The following NAB1 variants were observed in gnomAD, a reference collection of about 807,000 sequenced individuals.
The protein encoded by NAB1 is NGFI-A-binding protein 1.
Under a neutral mutation model 49.9 loss-of-function variants are expected in NAB1, and 25 were observed. The observed-to-expected ratio is 0.50, with a 90% CI of 0.37 to 0.70. The LOEUF is 0.70. Ranked by LOEUF, NAB1 falls within the 30% of genes least tolerant of loss-of-function variation. The pLI is 0.00. For missense variants in NAB1, 489 were observed against 575.9 expected (o/e 0.85, Z 1.54); for synonymous variants, 198 against 215.6 (o/e 0.92, Z 0.71).
intron 5 of NAB1, among the ~76,000 whole-genome samples, chr2:190,671,125 G>A (rs1323987958): frequency 2.0e-5 from 3 of 152,100 alleles, no homozygotes; most frequent in African/African-American, 4.8e-5. Flanking sequence ...TTTCCAGCCC[G>A]CATTGTGTTG....
intron 9 of NAB1, 50 bp from the exon 10 acceptor site, chr2:190,690,195 G>T (rs748626611): frequency 3.2e-6 from 4 of 1,246,068 alleles, no homozygotes; most frequent in Non-Finnish European, 4.7e-6. Context: ...TTTGATTTTT[G>T]TAGTCCATTG....
rs1460201383 is a variant in NAB1 at position 190,659,077 on chromosome 2, A to G, written c.-19-81A>G. ...CAGATGCTTCTCGTTTTTGTTCTTA[A>G]AACCTGTAGTGTAACCTATTTGGTG... On this transcript the variant is annotated intron_variant, in intron 3 of 9. Transcript: ENST00000337386. The surrounding 1 kb of genome is among the most constrained non-coding windows in gnomAD (Gnocchi z 6.2). The G allele has an allele frequency of 2.2e-6, 2 of 913,946 alleles. No individual in the cohort carries two copies. The highest frequency in any genetic ancestry group is 5.2e-5 in the East Asian group (2 of 38,160). The allele number at this position is 913,946 out of a possible 1,614,324, so 56.6% of individuals were successfully genotyped here.
intron 9 of NAB1, among the ~76,000 whole-genome samples, chr2:190,688,163 T>C (rs1267107821): frequency 6.6e-6 from 1 of 152,228 alleles, no homozygotes; most frequent in Non-Finnish European, 1.5e-5. Context: ...TCAACGTCAC[T>C]GATTTTATAG....
At chr2:190,683,680 GATA>G in intron 6 of NAB1, 55 bp from the exon 7 acceptor site, 8 of 1,258,684 alleles carry the variant, frequency 6.4e-6, no homozygotes, top group South Asian at 1.3e-5. Flanking sequence ...TCAAGTTTTT[GATA>G]ATATTTTATT....
chr2:190,689,077 CG>C lies in NAB1; in HGVS notation c.1376-1166del, dbSNP rs1019351154. Among the ~76,000 whole-genome samples, 2 of 152,098 alleles carry C rather than the reference CG, an allele frequency of 1.3e-5. No individual in the cohort carries two copies. Among genetic ancestry groups the C allele is most frequent in the African/African-American group, 4.8e-5 (2 of 41,402 alleles). Reference sequence around the variant, plus strand: ...TCCTGACCTTGTGATCCGCCCGCCTCGGCCCCACAAAGTGCTGGGATTACAG... The same window carrying C: ...TCCTGACCTTGTGATCCGCCCGCCTCGCCCCACAAAGTGCTGGGATTACAG... On this transcript the variant is annotated intron_variant, in intron 9 of 9. Coordinates refer to ENST00000337386, the MANE Select transcript of NAB1 (RefSeq NM_005966.4). This position sits in a 1 kb window ranked among gnomAD's most constrained non-coding sequence, Gnocchi z 4.3.
chr2:190,692,114 A>G lies in NAB1; in HGVS notation c.*1781A>G, dbSNP rs1695959503. ...TGTATTGTTCACTGTGTGTAGAAAT[A>G]GTATGAGTACGATTTCAATAGACTG... On this transcript the variant is annotated 3_prime_UTR_variant, in exon 10 of 10. Transcript: ENST00000337386. The surrounding 1 kb of genome is among the most constrained non-coding windows in gnomAD (Gnocchi z 5.2). The G allele has an allele frequency of 9.8e-6, 1 of 102,116 alleles. No homozygotes were observed. The highest frequency in any genetic ancestry group is 3.2e-4 in the South Asian group (1 of 3,138). The allele number at this position is 102,116 out of a possible 1,614,324, so 6.3% of individuals were successfully genotyped here.
chr2:190,668,011 C>G (rs2159819), intron 4 of NAB1, among the ~76,000 whole-genome samples: 79,250 of 151,882 alleles, frequency 0.52, 21,919 homozygotes, highest in East Asian at 0.73. Context: ...GTAAGAAAAA[C>G]CTTTAGTTTC....
intron 3 of NAB1, among the ~76,000 whole-genome samples, chr2:190,658,839 G>A (rs762498826): frequency 2.6e-5 from 4 of 152,176 alleles, no homozygotes; most frequent in East Asian, 1.9e-4. Context: ...CTCCACCTGC[G>A]TCCAAACCTT....
intron 4 of NAB1, among the ~76,000 whole-genome samples, chr2:190,664,869 A>G (rs926893662): frequency 1.3e-5 from 2 of 151,760 alleles, no homozygotes; most frequent in African/African-American, 4.8e-5. Context: ...TAACTGGAAT[A>G]TTTGGTCCAT....
At chr2:190,661,543 G>C (rs1694227753) in intron 4 of NAB1, among the ~76,000 whole-genome samples, 1 of 152,046 alleles carries the variant, frequency 6.6e-6, no homozygotes, top group Non-Finnish European at 1.5e-5. Context: ...ATTTCTAAAA[G>C]ATTAACAAAC....
At position 190,669,057 on chromosome 2, in the gene NAB1, T is replaced by C. The variant is rs922468747; in HGVS notation, c.820-1269T>C. Among the ~76,000 whole-genome samples the C allele has an allele frequency of 1.3e-5, 2 of 152,160 alleles. No homozygotes were observed. Among genetic ancestry groups the C allele is most frequent in the Non-Finnish European group, 2.9e-5 (2 of 68,028 alleles). ...TAACTGGAATATGAGCACTGAGATATCAGAAGAGTCCATCTGTTGACTGAG... is the reference window on the plus strand; with the variant it reads ...TAACTGGAATATGAGCACTGAGATACCAGAAGAGTCCATCTGTTGACTGAG... On this transcript the variant is annotated intron_variant, in intron 4 of 9. Transcript: ENST00000337386. The surrounding 1 kb of genome is among the most constrained non-coding windows in gnomAD (Gnocchi z 4.3).
At position 190,686,134 on chromosome 2, in the gene NAB1, C is replaced by G. The variant is rs1017603932; in HGVS notation, c.1258+496C>G. Among the ~76,000 whole-genome samples the G allele has an allele frequency of 6.6e-6, 1 of 152,150 alleles. No individual in the cohort carries two copies. Among genetic ancestry groups the G allele is most frequent in the Non-Finnish European group, 1.5e-5 (1 of 68,014 alleles). On this transcript the variant is annotated intron_variant, in intron 8 of 9. Transcript: ENST00000337386. The surrounding 1 kb of genome is among the most constrained non-coding windows in gnomAD (Gnocchi z 5.5). ...AGTGTTTTTACCATTCTAAAAAGTA[C>G]TTCATTCTTTTCACATCCTCACATA... is the stretch of plus-strand genomic sequence containing the variant.
At position 190,670,453 on chromosome 2, in the gene NAB1, C is replaced by G; in HGVS notation, c.947C>G (p.Thr316Ser). ...REVTYKYTYR[T>S]TKSKCGERDE... The stretch of plus-strand genomic sequence containing the variant: ...GTCACCTATAAATATACTTACAGAA[C>G]CACCAAGTAAGTATTTAACTAATCG... The change falls in exon 5 of 10, where the codon ACC becomes AGC. Residue 316 changes from threonine to serine, a missense_variant. Around this residue, in one of 4 missense-constraint regions of NAB1, gnomAD observed 212 missense variants for 199.3 expected, o/e 1.06. Coordinates refer to ENST00000337386, the MANE Select transcript of NAB1 (RefSeq NM_005966.4). The surrounding 1 kb of genome is among the most constrained non-coding windows in gnomAD (Gnocchi z 5.3). The G allele has an allele frequency of 6.2e-7, 1 of 1,613,256 alleles. No homozygotes were observed. The highest frequency in any genetic ancestry group is 1.1e-5 in the South Asian group (1 of 90,880).
chr2:190,686,175 CATT>C lies in NAB1; in HGVS notation c.1258+538_1258+540del, dbSNP rs1695596719. 6.6e-6 allele frequency among the ~76,000 whole-genome samples: 1 copy of C among 152,154 alleles called. No homozygotes were observed. Among genetic ancestry groups the C allele is most frequent in the Non-Finnish European group, 1.5e-5 (1 of 68,024 alleles). Reference sequence around the variant, plus strand: ...TCCTCACATAAAGAAAATCCCAAGTCATTGTTATTCACCCAACCAACAGGCATT... The same window carrying C: ...TCCTCACATAAAGAAAATCCCAAGTCGTTATTCACCCAACCAACAGGCATT... On this transcript the variant is annotated intron_variant, in intron 8 of 9. Coordinates refer to ENST00000337386, the MANE Select transcript of NAB1 (RefSeq NM_005966.4). This position sits in a 1 kb window ranked among gnomAD's most constrained non-coding sequence, Gnocchi z 5.5.
At chr2:190,658,346 C>G (rs1483792740) in intron 3 of NAB1, among the ~76,000 whole-genome samples, 2 of 152,158 alleles carry the variant, frequency 1.3e-5, no homozygotes, top group Admixed American at 1.3e-4. Context: ...AAGGGAATCC[C>G]ATCATCCTCA....
At chr2:190,688,805 CTTTCT>C (rs1387789221) in intron 9 of NAB1, among the ~76,000 whole-genome samples, 1 of 148,102 alleles carries the variant, frequency 6.8e-6, no homozygotes, top group Non-Finnish European at 1.5e-5. Context: ...CCTTTCTTTC[CTTTCT>C]TTTCTTTCCT....
Position 190,684,077 on chromosome 2 carries a change from AT to A in NAB1, c.1095+252del, listed in dbSNP as rs1349170571. ...TGTAGTTTTGTAGGAAGTGAGACAG[AT>A]TCTCTGCTCAAGAAAACTTAAACAG... On this transcript the variant is annotated intron_variant, in intron 7 of 9. Transcript: ENST00000337386. This position sits in a 1 kb window ranked among gnomAD's most constrained non-coding sequence, Gnocchi z 4.6. Among the ~76,000 whole-genome samples the A allele has an allele frequency of 3.9e-5, 6 of 152,364 alleles. No homozygotes were observed. In the South Asian group the frequency reaches 6.2e-4, roughly 16 times the overall value.
Position 190,680,014 on chromosome 2 carries a change from C to T in NAB1, c.1006-3724C>T, listed in dbSNP as rs1353206199. On this transcript the variant is annotated intron_variant, in intron 6 of 9. Transcript: ENST00000337386. The surrounding 1 kb of genome is among the most constrained non-coding windows in gnomAD (Gnocchi z 5.2). ...TCCCAGACCTCGTGATCTTGAGTTC[C>T]TTATTCTAGAGAATGTCATAACCAA... is the stretch of plus-strand genomic sequence containing the variant. 1.3e-5 allele frequency among the ~76,000 whole-genome samples: 2 copies of T among 152,174 alleles called. No homozygotes were observed. The highest frequency in any genetic ancestry group is 2.9e-5 in the Non-Finnish European group (2 of 68,040).
In NAB1 at chr2:190,692,180, T is replaced by C. The variant is rs1363265835; in HGVS notation, c.*1847T>C. 1 of 152,648 alleles carries C rather than the reference T, an allele frequency of 6.6e-6. No individual in the cohort carries two copies. Among genetic ancestry groups the C allele is most frequent in the Non-Finnish European group, 1.5e-5 (1 of 68,024 alleles). The allele number at this position is 152,648 out of a possible 1,614,324, so 9.5% of individuals were successfully genotyped here. The stretch of plus-strand genomic sequence containing the variant: ...TAGCCATAGCACTGGTTAGTATATC[T>C]CAGTAGTTTCATGAAACGTTTCCTG... On this transcript the variant is annotated 3_prime_UTR_variant, in exon 10 of 10. Transcript: ENST00000337386. The surrounding 1 kb of genome is among the most constrained non-coding windows in gnomAD (Gnocchi z 5.2).
Sources: gnomAD v4.1 joint callset for allele counts (sites outside exome capture counted in the v4.1 genomes callset) on GRCh38, gnomAD v4.1.1 for gene constraint, gnomAD v4.1.1 regional missense constraint, Gnocchi (gnomAD v3.1) non-coding constraint, MANE v1.5 for transcripts, NCBI Gene and HGNC (gene_info 2026-07-23, HGNC 2026-07-21) for gene names.